Variants in ABCC3 observed in about 807,000 individuals in gnomAD.
ABCC3 encodes ATP binding cassette subfamily C member 3, also known as ATP-binding cassette sub-family C member 3.
Under a neutral mutation model 165.3 loss-of-function variants are expected in ABCC3, and 121 were observed. The observed-to-expected ratio is 0.73, with a 90% CI of 0.63 to 0.85. The LOEUF (loss-of-function observed/expected upper bound fraction) is 0.85, where lower values mean the gene tolerates loss of function less well. Ranked by LOEUF, ABCC3 falls within the 40% of genes least tolerant of loss-of-function variation. The pLI, the probability that ABCC3 is intolerant of heterozygous loss-of-function variation, is 0.00. For synonymous variants in ABCC3, 733 were observed against 810.1 expected (o/e 0.90, Z 1.62); for missense variants, 1,869 against 1,964.1 (o/e 0.95, Z 0.92).
At chr17:50,636,622 C>T (rs1323376971) in intron 1 of ABCC3, among the ~76,000 whole-genome samples, 1 of 152,170 alleles carries the variant, frequency 6.6e-6, no homozygotes, top group Non-Finnish European at 1.5e-5. Flanking sequence ...TTTGTGGTGC[C>T]TGGGATGCCA....
At position 50,656,021 on chromosome 17, in the gene ABCC3, G is replaced by A; in HGVS notation, c.222+13G>A. 1 of 1,610,762 alleles carries A rather than the reference G, an allele frequency of 6.2e-7. No homozygotes were observed. The highest frequency in any genetic ancestry group is 8.5e-7 in the Non-Finnish European group (1 of 1,177,874). On this transcript the variant is annotated intron_variant, in intron 2 of 30. Transcript: ENST00000285238. ...CAAGCTCAAGATGGTCAGTGGCTCA[G>A]GGATCTCCTACCGATGGGGCTGGGC...
At chr17:50,677,970 GC>G (rs768482113) in intron 24 of ABCC3, 27 bp downstream of exon 24, 1 of 1,614,070 alleles carries the variant, frequency 6.2e-7, no homozygotes, top group South Asian at 1.1e-5. Flanking sequence ...CTCGCTCCCT[GC>G]TCCTCCAGGA....
At position 50,655,830 on chromosome 17, in the gene ABCC3, A is replaced by G; in HGVS notation, c.46-2A>G. ...GCACTAAACTGTTCTCTGTGTCCCC[A>G]GGACTCCAACCTGTCTGTGCACACA... is the stretch of plus-strand genomic sequence containing the variant. On this transcript the variant is annotated splice_acceptor_variant, in intron 1 of 30. Transcript: ENST00000285238. LOFTEE classifies it high-confidence loss of function. 1.9e-6 allele frequency: 3 copies of G among 1,613,794 alleles called. No homozygotes were observed. The highest frequency in any genetic ancestry group is 1.7e-4 in the Middle Eastern group (1 of 6,060).
At chr17:50,690,188 G>A (rs1184038080) in intron 30 of ABCC3, among the ~76,000 whole-genome samples, 1 of 152,200 alleles carries the variant, frequency 6.6e-6, no homozygotes, top group African/African-American at 2.4e-5. Context: ...GCTGGAGTGC[G>A]TGGGAGGGAG....
intron 1 of ABCC3, among the ~76,000 whole-genome samples, chr17:50,637,915 T>C (rs1193279890): frequency 6.6e-6 from 1 of 152,200 alleles, no homozygotes; most frequent in Non-Finnish European, 1.5e-5. Flanking sequence ...CTGGGAGCTG[T>C]TCCTGGCTCA....
At chr17:50,669,315 T>C in intron 16 of ABCC3, 37 bp from the exon 17 acceptor site, 1 of 1,614,162 alleles carries the variant, frequency 6.2e-7, no homozygotes, top group Non-Finnish European at 8.5e-7. Context: ...CAGCCAGGCC[T>C]TGGGCAAGCC....
rs1385211987 is a variant in ABCC3 at position 50,684,845 on chromosome 17, T to C, written c.4250T>C (p.Phe1417Ser). 9.9e-6 allele frequency: 16 copies of C among 1,613,972 alleles called. No individual in the cohort carries two copies. Among genetic ancestry groups the C allele is most frequent in the Non-Finnish European group, 1.4e-5 (16 of 1,180,024 alleles). Residue 1417 changes from phenylalanine (F) to serine (S), a missense_variant, in exon 29 of 31, where the codon TTC (phenylalanine) becomes TCC (serine). Coordinates refer to ENST00000285238, the MANE Select transcript of ABCC3 (RefSeq NM_003786.4). ...AGCTCCCAGCCGGCAGGCCTGGACT[T>C]CCAGTGCTCAGAGGGCGGGGAGAAT... is the stretch of plus-strand genomic sequence containing the variant. ...FVSSQPAGLD[F>S]QCSEGGENLS...
At chr17:50,639,905 A>G (rs1017598941) in intron 1 of ABCC3, among the ~76,000 whole-genome samples, 1 of 152,056 alleles carries the variant, frequency 6.6e-6, no homozygotes, top group Non-Finnish European at 1.5e-5. Flanking sequence ...CTGGGATTAC[A>G]GGTGCACACC....
chr17:50,683,825 A>G (rs1597861712), intron 27 of ABCC3, 69 bp downstream of exon 27: 1 of 1,563,568 alleles, frequency 6.4e-7, no homozygotes, highest in Non-Finnish European at 8.6e-7. Flanking sequence ...CCTTGTGGGG[A>G]GCTTGGGTCT....
At chr17:50,635,133 G>A (rs2146579628) in intron 1 of ABCC3, 152 bp downstream of exon 1, 3 of 877,368 alleles carry the variant, frequency 3.4e-6, no homozygotes, top group Non-Finnish European at 1.6e-6. Context: ...GATGGGCTCG[G>A]GAGGGAGGTT....
intron 30 of ABCC3, 55 bp downstream of exon 30, chr17:50,687,785 A>C (rs1228137392): frequency 3.9e-6 from 6 of 1,541,964 alleles, no homozygotes; most frequent in Non-Finnish European, 5.4e-6. Context: ...CTGGGGCATC[A>C]GGAATGGGCA....
At chr17:50,675,520 G>A (rs753061215) in intron 20 of ABCC3, 44 bp downstream of exon 20, 124 of 1,594,848 alleles carry the variant, frequency 7.8e-5, no homozygotes, top group Non-Finnish European at 5.1e-6. Context: ...GCTGTATCAG[G>A]CCTCCCCAGG....
intron 1 of ABCC3, chr17:50,635,409 C>A: frequency 1.4e-6 from 1 of 691,410 alleles, no homozygotes; most frequent in Non-Finnish European, 2.7e-6. Context: ...CCCACCTGGG[C>A]ATGGATTGCC....
chr17:50,657,276 C>A (rs2146606528), intron 4 of ABCC3, 93 bp downstream of exon 4: 2 of 1,482,826 alleles, frequency 1.3e-6, no homozygotes, highest in East Asian at 2.3e-5. Context: ...CAGGTCCCTC[C>A]CTCGAGGCTT....
At chr17:50,675,008 C>G (rs1011525455) in intron 19 of ABCC3, among the ~76,000 whole-genome samples, 1 of 152,124 alleles carries the variant, frequency 6.6e-6, no homozygotes, top group South Asian at 2.1e-4. Context: ...CCATGTTGGC[C>G]AGGCTGGTCT....
In ABCC3 at chr17:50,656,734, G is replaced by A; in HGVS notation, c.255G>A (p.Trp85Ter). The A allele has an allele frequency of 6.2e-7, 1 of 1,613,872 alleles. No homozygotes were observed. Among genetic ancestry groups the A allele is most frequent in the Non-Finnish European group, 8.5e-7 (1 of 1,179,922 alleles). Residue 85 changes from tryptophan (W) to a stop codon, truncating the protein, a stop_gained, in exon 3 of 31, where the codon TGG (tryptophan) becomes TGA (stop). Transcript: ENST00000285238. LOFTEE classifies it high-confidence loss of function. ...GTGTCCTGCTGTGGTGCGTCTCCTGGGCGGACCTTTTTTACTCCTTCCATG... is the reference window on the plus strand; with the variant it reads ...GTGTCCTGCTGTGGTGCGTCTCCTGAGCGGACCTTTTTTACTCCTTCCATG... ...VLGVLLWCVS[W>*]ADLFYSFHGL...
At position 50,687,684 on chromosome 17, in the gene ABCC3, G is replaced by A. The variant is rs776687984; in HGVS notation, c.4429G>A (p.Val1477Ile). 7 of 1,614,262 alleles carry A rather than the reference G, an allele frequency of 4.3e-6. No individual in the cohort carries two copies. Among genetic ancestry groups the A allele is most frequent in the Non-Finnish European group, 5.9e-6 (7 of 1,180,048 alleles). Reference protein sequence around the residue: ...TIRTQFDTCTVLTIAHRLNTI... With the variant: ...TIRTQFDTCTILTIAHRLNTI... ...CCGCACCCAGTTTGATACCTGCACT[G>A]TCCTGACCATCGCACACCGGCTTAA... is the stretch of plus-strand genomic sequence containing the variant. The change falls in exon 30 of 31, where the codon GTC (valine) becomes ATC (isoleucine). Residue 1477 changes from valine to isoleucine, a missense_variant. Physicochemically the swap from Val to Ile is conservative, Grantham distance 29 (BLOSUM62 3). Coordinates refer to ENST00000285238, the MANE Select transcript of ABCC3 (RefSeq NM_003786.4).
chr17:50,654,965 T>C (rs1472190875), intron 1 of ABCC3, among the ~76,000 whole-genome samples: 1 of 147,564 alleles, frequency 6.8e-6, no homozygotes, highest in Non-Finnish European at 1.5e-5. Flanking sequence ...CCGGGCGTAG[T>C]GGTGGGCACC....
At position 50,687,559 on chromosome 17, in the gene ABCC3, G is replaced by A; in HGVS notation, c.4304G>A (p.Cys1435Tyr). ...NLSVGQRQLV[C>Y]LARALLRKSR... ...AGCGTGGGCCAGAGGCAGCTCGTGT[G>A]CCTGGCCCGAGCCCTGCTCCGCAAG... The change falls in exon 30 of 31, where the codon TGC (cysteine) becomes TAC (tyrosine). Residue 1435 changes from cysteine (C) to tyrosine (Y), a missense_variant. By Grantham distance (194) the Cys-to-Tyr change is radical. Coordinates refer to ENST00000285238, the MANE Select transcript of ABCC3 (RefSeq NM_003786.4). 2 of 1,613,794 alleles carry A rather than the reference G, an allele frequency of 1.2e-6. No individual in the cohort carries two copies. The highest frequency in any genetic ancestry group is 8.5e-7 in the Non-Finnish European group (1 of 1,180,042).
Sources: allele counts gnomAD v4.1 joint callset (sites outside exome capture counted in the v4.1 genomes callset), GRCh38; gene constraint gnomAD v4.1.1; transcripts MANE v1.5; gene names NCBI Gene and HGNC (gene_info 2026-07-23, HGNC 2026-07-21).